NELL2: variants seen among roughly 807,000 people sequenced by gnomAD.
The protein encoded by NELL2 is protein kinase C-binding protein NELL2.
NELL2 carries 41 observed loss-of-function variants against 109.6 expected under a neutral mutation model. The ratio of observed to expected loss-of-function variants is 0.37; its 90% CI spans 0.29 to 0.49. The LOEUF is 0.49. Ranked by LOEUF, NELL2 falls within the 20% of genes least tolerant of loss-of-function variation. The pLI is 0.98. For synonymous variants in NELL2, 355 were observed against 344.7 expected, an observed-to-expected ratio of 1.03 and a Z score of -0.33; for missense variants, 900 against 1,008.3, an observed-to-expected ratio of 0.89 and a Z score of 1.45.
intron 13 of NELL2, among the ~76,000 whole-genome samples, chr12:44,625,446 G>T (rs933061814): frequency 5.9e-5 from 9 of 152,006 alleles, no homozygotes; most frequent in African/African-American, 2.2e-4. Flanking sequence ...TTCAAAAGGA[G>T]GCCCCTAGCT....
intron 3 of NELL2, among the ~76,000 whole-genome samples, chr12:44,787,970 A>G (rs1357375592): frequency 2.0e-5 from 3 of 152,184 alleles, no homozygotes; most frequent in African/African-American, 4.8e-5. Context: ...ACACCATCAG[A>G]AAGGGAAACT....
chr12:44,723,278 G>A (rs567626991), intron 9 of NELL2, among the ~76,000 whole-genome samples: 2 of 151,762 alleles, frequency 1.3e-5, no homozygotes, highest in Admixed American at 6.6e-5. Context: ...ATATTTTAGA[G>A]CTGCCCAGGT....
At chr12:44,616,263 T>C (rs1478710855) in intron 13 of NELL2, among the ~76,000 whole-genome samples, 1 of 152,206 alleles carries the variant, frequency 6.6e-6, no homozygotes, top group Non-Finnish European at 1.5e-5. Context: ...ACAGGAAATA[T>C]ATTGCCTATC....
chr12:44,658,402 C>T (rs1490932339), intron 13 of NELL2, among the ~76,000 whole-genome samples: 1 of 152,132 alleles, frequency 6.6e-6, no homozygotes, highest in Non-Finnish European at 1.5e-5. Context: ...TGAAGGACCT[C>T]TTCAAGGAAA....
intron 13 of NELL2, among the ~76,000 whole-genome samples, chr12:44,655,301 A>C (rs760838579): frequency 3.3e-5 from 5 of 152,140 alleles, no homozygotes; most frequent in Non-Finnish European, 5.9e-5. Context: ...GCTGGGCTGG[A>C]GGTTGTATAT....
In NELL2 at chr12:44,532,570, C is replaced by T. The variant is rs750318349; in HGVS notation, c.1804+11G>A. 50 of 1,611,422 alleles carry T rather than the reference C, an allele frequency of 3.1e-5. No individual in the cohort carries two copies. In the Admixed American group the frequency reaches 8.2e-4, roughly 27 times the overall value. On this transcript the variant is annotated intron_variant, in intron 16 of 19. Transcript: ENST00000429094. The stretch of plus-strand genomic sequence containing the variant: ...AAGTTCTTAAATTCTAGGTCTTCTC[C>T]TTGTACTGACCTTCACACGATTCTC...
intron 1 of NELL2, among the ~76,000 whole-genome samples, chr12:44,901,521 A>G (rs1201838907): frequency 6.6e-6 from 1 of 152,160 alleles, no homozygotes; most frequent in Non-Finnish European, 1.5e-5. Context: ...ACAACAGAAA[A>G]AGAGGGACTC....
rs182994037 is a variant in NELL2, at chr12:44,795,233, G to A, written c.336-15211C>T. Among the ~76,000 whole-genome samples the A allele has an allele frequency of 2.8e-3, 431 of 152,296 alleles. 1 individual carries two copies. Among genetic ancestry groups the A allele is most frequent in the African/African-American group, 0.01 (417 of 41,574 alleles). ...GACCATCTCAGTACATTAAGCTACAGCCCAGATACAAATTAGTCACCTAAA... is the reference window on the plus strand; with the variant it reads ...GACCATCTCAGTACATTAAGCTACAACCCAGATACAAATTAGTCACCTAAA... On this transcript the variant is annotated intron_variant, in intron 3 of 19. Transcript: ENST00000429094.
chr12:44,542,171 C>T (rs1942602060), intron 15 of NELL2, among the ~76,000 whole-genome samples: 2 of 152,096 alleles, frequency 1.3e-5, no homozygotes, highest in Admixed American at 1.3e-4. Context: ...TAAATTGAGA[C>T]AGAGAAAAAC....
At chr12:44,844,907 T>A (rs894246461) in intron 2 of NELL2, among the ~76,000 whole-genome samples, 5 of 152,160 alleles carry the variant, frequency 3.3e-5, no homozygotes, top group African/African-American at 4.8e-5. Context: ...TCTAATTTTT[T>A]AAAATTATAA....
intron 13 of NELL2, among the ~76,000 whole-genome samples, chr12:44,649,485 G>A (rs1365430463): frequency 6.6e-6 from 1 of 152,174 alleles, no homozygotes; most frequent in Non-Finnish European, 1.5e-5. Context: ...TAAGTGGAAG[G>A]CAAAGAGATA....
chr12:44,650,757 T>G (rs1592271253), intron 13 of NELL2, among the ~76,000 whole-genome samples: 1 of 23,876 alleles, frequency 4.2e-5, no homozygotes, highest in Non-Finnish European at 6.4e-5. Context: ...GTCTCTGTCT[T>G]TCTTTCTTTC....
intron 3 of NELL2, among the ~76,000 whole-genome samples, chr12:44,810,992 G>T (rs940936210): frequency 1.3e-5 from 2 of 151,724 alleles, no homozygotes; most frequent in Non-Finnish European, 2.9e-5. Flanking sequence ...AAATACATGC[G>T]GCCATAAAAA....
At chr12:44,533,635 C>T (rs1056236066) in intron 15 of NELL2, among the ~76,000 whole-genome samples, 4 of 152,088 alleles carry the variant, frequency 2.6e-5, no homozygotes. Context: ...TATTACTATT[C>T]CTAAATATTG....
At chr12:44,622,371 C>G (rs1427858230) in intron 13 of NELL2, among the ~76,000 whole-genome samples, 1 of 152,046 alleles carries the variant, frequency 6.6e-6, no homozygotes, top group Non-Finnish European at 1.5e-5. Context: ...ACATTTATTT[C>G]AAAGAAAGAA....
chr12:44,546,088 T>C (rs1374081545), intron 15 of NELL2, among the ~76,000 whole-genome samples: 2 of 152,120 alleles, frequency 1.3e-5, no homozygotes, highest in East Asian at 1.9e-4. Flanking sequence ...TTCAGAAAAA[T>C]GAGCTTTGAA....
At chr12:44,647,609 T>G (rs1040072091) in intron 13 of NELL2, among the ~76,000 whole-genome samples, 1 of 152,166 alleles carries the variant, frequency 6.6e-6, no homozygotes, top group African/African-American at 2.4e-5. Flanking sequence ...GGAAGGTGAA[T>G]ACTAAGTCCA....
At position 44,635,891 on chromosome 12, in the gene NELL2, C is replaced by A. The variant is rs578224727; in HGVS notation, c.1445-24921G>T. ...ACTTTGGGCAGTATGGCCATTTTCA[C>A]AATATTGATTCTTCCTATCCATGAG... On this transcript the variant is annotated intron_variant, in intron 13 of 19. Transcript: ENST00000429094. Among the ~76,000 whole-genome samples the A allele has an allele frequency of 3.7e-4, 56 of 152,174 alleles. 1 individual carries two copies. The highest frequency in any genetic ancestry group is 1.3e-3 in the African/African-American group (55 of 41,534).
At chr12:44,518,513 G>A (rs954753495) in intron 19 of NELL2, among the ~76,000 whole-genome samples, 3 of 152,018 alleles carry the variant, frequency 2.0e-5, no homozygotes, top group African/African-American at 4.8e-5. Context: ...CCAAAATGCT[G>A]GGATTACAGG....
Sources: allele counts gnomAD v4.1 joint callset (sites outside exome capture counted in the v4.1 genomes callset), GRCh38; gene constraint gnomAD v4.1.1; transcripts MANE v1.5; gene names NCBI Gene and HGNC (gene_info 2026-07-23, HGNC 2026-07-21).